The following GABBR2 variants were observed in gnomAD, a reference collection of about 807,000 sequenced individuals.
GABBR2 encodes the protein G-protein coupled receptor 51.
Under a neutral mutation model 105.6 loss-of-function variants are expected in GABBR2, and 23 were observed. The ratio of observed to expected loss-of-function variants is 0.22; its 90% CI spans 0.16 to 0.31. The LOEUF (loss-of-function observed/expected upper bound fraction) is 0.31. Ranked by LOEUF, GABBR2 falls within the 10% of genes least tolerant of loss-of-function variation. The pLI, the probability that GABBR2 is intolerant of heterozygous loss-of-function variation, is 1.00. For synonymous variants in GABBR2, 478 were observed against 499.7 expected (o/e 0.96, Z 0.58); for missense variants, 734 against 1,245.5 (o/e 0.59, Z 6.18).
chr9:98,356,069 G>T (rs185426913), intron 13 of GABBR2, among the ~76,000 whole-genome samples: 78 of 152,232 alleles, frequency 5.1e-4, no homozygotes, highest in Middle Eastern at 3.4e-3. Context: ...TGGGTCACAG[G>T]CCTAAATGTT....
intron 13 of GABBR2, among the ~76,000 whole-genome samples, chr9:98,337,908 G>A (rs1483938237): frequency 6.6e-6 from 1 of 152,164 alleles, no homozygotes; most frequent in Non-Finnish European, 1.5e-5. Context: ...TGTAATCCCA[G>A]TTACTCGGGA....
At chr9:98,349,349 G>GTTTTTT (rs1182072320) in intron 13 of GABBR2, among the ~76,000 whole-genome samples, 28 of 24,218 alleles carry the variant, frequency 1.2e-3, no homozygotes, top group Admixed American at 3.7e-3. Context: ...TTGAAGTTTT[G>GTTTTTT]TTTTTTTTTT....
chr9:98,313,059 C>T (rs1423104795), intron 13 of GABBR2, among the ~76,000 whole-genome samples: 1 of 152,166 alleles, frequency 6.6e-6, no homozygotes, highest in Non-Finnish European at 1.5e-5. Context: ...CTAGTATGTT[C>T]CTTTTTAATT....
intron 3 of GABBR2, among the ~76,000 whole-genome samples, chr9:98,510,309 C>A (rs946817710): frequency 5.3e-5 from 8 of 152,164 alleles, no homozygotes; most frequent in Non-Finnish European, 5.9e-5. Context: ...CCAGCCACTG[C>A]AAAAACATGC....
In GABBR2 at chr9:98,306,175, A is replaced by G; in HGVS notation, c.2175T>C (p.Ala725=). ...DQPNVQFCIV[A]LVIIFCSTIT... ...TGGTGCTGCAGAAGATGATGACCAGAGCCACGATGCAGAACTGCACATTGG... is the reference window on the plus strand; with the variant it reads ...TGGTGCTGCAGAAGATGATGACCAGGGCCACGATGCAGAACTGCACATTGG... The change falls in exon 15 of 19, where the codon GCT becomes GCC. Residue 725 remains alanine (A), a synonymous_variant. Coordinates refer to ENST00000259455, the MANE Select transcript of GABBR2 (RefSeq NM_005458.8). This position sits in a 1 kb window ranked among gnomAD's most constrained non-coding sequence, Gnocchi z 5.4. 4 of 1,614,194 alleles carry G rather than the reference A, an allele frequency of 2.5e-6. No individual in the cohort carries two copies. The highest frequency in any genetic ancestry group is 3.4e-6 in the Non-Finnish European group (4 of 1,180,034).
chr9:98,530,194 G>A (rs561696440), intron 3 of GABBR2, among the ~76,000 whole-genome samples: 1 of 152,340 alleles, frequency 6.6e-6, no homozygotes, highest in South Asian at 2.1e-4. Context: ...GCTCTGTTCT[G>A]AGATTCCCAA....
chr9:98,368,390 C>T (rs1369205689), intron 12 of GABBR2, among the ~76,000 whole-genome samples: 1 of 151,962 alleles, frequency 6.6e-6, no homozygotes, highest in Non-Finnish European at 1.5e-5. Flanking sequence ...TCAGATAAGC[C>T]TCCTCCCTGG....
intron 4 of GABBR2, among the ~76,000 whole-genome samples, chr9:98,483,449 G>A (rs181021060): frequency 1.3e-5 from 2 of 152,100 alleles, no homozygotes; most frequent in Non-Finnish European, 2.9e-5. Flanking sequence ...TCTGTCCATG[G>A]CTTCCTGAGG....
rs970708059 is a variant in GABBR2, at chr9:98,299,501, G to A, written c.2413-148C>T. 5.6e-5 allele frequency: 45 copies of A among 801,192 alleles called. No individual in the cohort carries two copies. The African/African-American group carries it at 6.4e-4, about 11-fold the overall frequency. 49.6% of individuals were successfully genotyped at this position (801,192 alleles called of 1,614,324 possible). On this transcript the variant is annotated intron_variant, in intron 16 of 18. Coordinates refer to ENST00000259455, the MANE Select transcript of GABBR2 (RefSeq NM_005458.8). ...CAGAGGGGTTACTGCATTTTGGTGA[G>A]GAGATGCAGAAGGATCCTGGCGGCT...
intron 10 of GABBR2, among the ~76,000 whole-genome samples, chr9:98,386,319 C>T (rs563778193): frequency 9.2e-5 from 14 of 151,472 alleles, no homozygotes; most frequent in African/African-American, 3.4e-4. Context: ...TCCCATACCA[C>T]ACTCCCCAGC....
chr9:98,334,910 C>T (rs994795443), intron 13 of GABBR2, among the ~76,000 whole-genome samples: 3 of 152,178 alleles, frequency 2.0e-5, no homozygotes, highest in Admixed American at 1.3e-4. Flanking sequence ...ACAGGGCTGG[C>T]GGTTCCTTTC....
At chr9:98,559,023 C>G (rs748870553) in intron 2 of GABBR2, among the ~76,000 whole-genome samples, 1 of 152,176 alleles carries the variant, frequency 6.6e-6, no homozygotes, top group Non-Finnish European at 1.5e-5. Context: ...CTGTTCCTTC[C>G]TTCCCCTTTC....
At chr9:98,474,120 C>T (rs1469734284) in intron 5 of GABBR2, among the ~76,000 whole-genome samples, 1 of 152,126 alleles carries the variant, frequency 6.6e-6, no homozygotes, top group East Asian at 1.9e-4. Context: ...CTCACATTCA[C>T]TCTGGGAGGT....
chr9:98,583,473 G>A (rs1372213718), intron 1 of GABBR2, among the ~76,000 whole-genome samples: 3 of 152,202 alleles, frequency 2.0e-5, no homozygotes, highest in African/African-American at 2.4e-5. Context: ...CAGCATCAGA[G>A]CTCCACAGAA....
rs550586580 is a variant in GABBR2, at chr9:98,619,854, G to T, written c.322-41782C>A. 4.6e-5 allele frequency among the ~76,000 whole-genome samples: 7 copies of T among 152,270 alleles called. No individual in the cohort carries two copies. The South Asian group carries it at 1.0e-3, about 23-fold the overall frequency. ...GCCAGGTGAGGAAGGGTCGCAGTGT[G>T]GGGGAGAAAGGAGGGTTCATCTGTG... On this transcript the variant is annotated intron_variant, in intron 1 of 18. Coordinates refer to ENST00000259455, the MANE Select transcript of GABBR2 (RefSeq NM_005458.8).
intron 1 of GABBR2, among the ~76,000 whole-genome samples, chr9:98,652,035 G>A (rs899841603): frequency 6.6e-6 from 1 of 152,152 alleles, no homozygotes; most frequent in African/African-American, 2.4e-5. Context: ...GGCCATGAGT[G>A]GACAATTGTT....
chr9:98,491,070 T>C (rs1409313018), intron 4 of GABBR2, among the ~76,000 whole-genome samples: 1 of 152,184 alleles, frequency 6.6e-6, no homozygotes, highest in Non-Finnish European at 1.5e-5. Flanking sequence ...ATTGTGTTTC[T>C]GTCAATTTCC....
chr9:98,648,080 G>GGGGTGTGTGTGTGT (rs1554723461), intron 1 of GABBR2, among the ~76,000 whole-genome samples: 2 of 68,016 alleles, frequency 2.9e-5, no homozygotes, highest in South Asian at 1.2e-3. Flanking sequence ...AATCATACAG[G>GGGGTGTGTGTGTGT]GTGTGTGTGT....
At chr9:98,577,683 C>A (rs542837951) in intron 2 of GABBR2, among the ~76,000 whole-genome samples, 2 of 152,246 alleles carry the variant, frequency 1.3e-5, no homozygotes, top group Admixed American at 1.3e-4. Flanking sequence ...GAAAGCTGGG[C>A]TAGGGAGTCA....
Sources: gnomAD v4.1 joint callset for allele counts (sites outside exome capture counted in the v4.1 genomes callset) on GRCh38, gnomAD v4.1.1 for gene constraint, Gnocchi (gnomAD v3.1) non-coding constraint, MANE v1.5 for transcripts, NCBI Gene and HGNC (gene_info 2026-07-23, HGNC 2026-07-21) for gene names.